Variants in PDE6A observed in about 807,000 individuals in gnomAD.
The protein encoded by PDE6A is phosphodiesterase 6A.
Under a neutral mutation model 106.3 loss-of-function variants are expected in PDE6A, and 84 were observed. The ratio of observed to expected loss-of-function variants is 0.79; its 90% CI spans 0.66 to 0.95. The LOEUF is 0.95. PDE6A is among the 40% of genes least tolerant of loss of function. PDE6A has a pLI of 0.00. For synonymous variants in PDE6A, 394 were observed against 386.6 expected (o/e 1.02, Z -0.23); for missense variants, 1,052 against 1,084.9 (o/e 0.97, Z 0.43).
chr5:149,879,077 A>T (rs534605592), intron 17 of PDE6A, among the ~76,000 whole-genome samples: 58 of 151,616 alleles, frequency 3.8e-4, no homozygotes, highest in African/African-American at 1.4e-3. Flanking sequence ...TTATTTATTT[A>T]TCTATCTATC....
chr5:149,941,864 T>G (rs1413504250), intron 1 of PDE6A, among the ~76,000 whole-genome samples: 1 of 152,206 alleles, frequency 6.6e-6, no homozygotes, highest in Non-Finnish European at 1.5e-5. Flanking sequence ...TGTTGCATCT[T>G]TTTTTTCTTT....
At chr5:149,882,896 A>G (rs755801497) in intron 17 of PDE6A, among the ~76,000 whole-genome samples, 23 of 152,176 alleles carry the variant, frequency 1.5e-4, no homozygotes, top group Non-Finnish European at 3.1e-4. Context: ...GGTCTCGACT[A>G]AAAATACAAA....
intron 17 of PDE6A, among the ~76,000 whole-genome samples, chr5:149,869,603 C>G (rs1256328212): frequency 6.6e-6 from 1 of 152,160 alleles, no homozygotes; most frequent in Non-Finnish European, 1.5e-5. Flanking sequence ...AATTCCATGC[C>G]AGGGAGTGCA....
chr5:149,899,932 T>A (rs1752905000), intron 8 of PDE6A, among the ~76,000 whole-genome samples: 1 of 152,208 alleles, frequency 6.6e-6, no homozygotes, highest in Non-Finnish European at 1.5e-5. Flanking sequence ...ACATTTTGCC[T>A]CTTGCCCTGA....
intron 10 of PDE6A, among the ~76,000 whole-genome samples, chr5:149,897,254 CT>C (rs1429060012): frequency 6.6e-6 from 1 of 152,234 alleles, no homozygotes; most frequent in East Asian, 1.9e-4. Flanking sequence ...CTCTCATTTA[CT>C]GTGTAACTTG....
intron 1 of PDE6A, among the ~76,000 whole-genome samples, chr5:149,940,403 C>A (rs1418232804): frequency 6.6e-6 from 1 of 152,126 alleles, no homozygotes; most frequent in Non-Finnish European, 1.5e-5. Context: ...ATGACGGGAG[C>A]CATGCGCCCA....
intron 5 of PDE6A, among the ~76,000 whole-genome samples, chr5:149,916,526 C>G (rs1753558932): frequency 6.6e-6 from 1 of 152,180 alleles, no homozygotes; most frequent in Non-Finnish European, 1.5e-5. Flanking sequence ...CAAACTAACT[C>G]TCTGCCTCTT....
rs1209052840 is a variant in PDE6A at position 149,871,411 on chromosome 5, AACTG to A, written c.2136-3257_2136-3254del. Among the ~76,000 whole-genome samples the A allele has an allele frequency of 2.4e-4, 36 of 152,308 alleles. No homozygotes were observed. In the South Asian group the frequency reaches 4.8e-3, roughly 20 times the overall value. On this transcript the variant is annotated intron_variant, in intron 17 of 21. Coordinates refer to ENST00000255266, the MANE Select transcript of PDE6A (RefSeq NM_000440.3). ...TCTTGGAGAAGACATGAGAAAGAGA[AACTG>A]ACTGAGGTCTGGGAGGTCAGGGAGG...
Position 149,914,962 on chromosome 5 carries a change from C to A in PDE6A, c.979G>T (p.Glu327Ter). The A allele has an allele frequency of 6.2e-7, 1 of 1,609,476 alleles. No individual in the cohort carries two copies. Among genetic ancestry groups the A allele is most frequent in the Non-Finnish European group, 8.5e-7 (1 of 1,176,970 alleles). ...ACTTACGGGATGACTTTGATGTCCT[C>A]TTTGCCATGCAGGATGTAGTCAATG... Reference protein sequence around the residue: ...KVIDYILHGKEDIKVIPNPPP... With the variant: ...KVIDYILHGK Residue 327 changes from glutamate (E) to a stop codon, truncating the protein, a stop_gained, in exon 6 of 22, where the codon GAG becomes TAG. Transcript: ENST00000255266. LOFTEE classifies it high-confidence loss of function.
chr5:149,942,064 T>C (rs1754342078), intron 1 of PDE6A, among the ~76,000 whole-genome samples: 1 of 151,984 alleles, frequency 6.6e-6, no homozygotes, highest in Non-Finnish European at 1.5e-5. Context: ...TGGGCTCAAG[T>C]GATGCTCCCA....
At chr5:149,939,924 C>A (rs1220923035) in intron 1 of PDE6A, 2 of 148,430 alleles carry the variant, frequency 1.3e-5, no homozygotes, top group Non-Finnish European at 3.0e-5. Context: ...CCTGGCTGAA[C>A]CAACTAGTTA....
intron 1 of PDE6A, 119 bp from the exon 2 acceptor site, chr5:149,934,837 G>T (rs889502144): frequency 7.4e-6 from 7 of 942,662 alleles, no homozygotes; most frequent in South Asian, 1.4e-5. Flanking sequence ...TTCAACAGGG[G>T]CAGGGAAATC....
intron 13 of PDE6A, among the ~76,000 whole-genome samples, chr5:149,893,380 T>G (rs891793791): frequency 1.3e-5 from 2 of 152,200 alleles, no homozygotes; most frequent in Non-Finnish European, 2.9e-5. Flanking sequence ...CAGAAACAGA[T>G]GGCATTCTAG....
chr5:149,891,377 G>A (rs1752539399), intron 13 of PDE6A, among the ~76,000 whole-genome samples: 1 of 152,228 alleles, frequency 6.6e-6, no homozygotes, highest in African/African-American at 2.4e-5. Flanking sequence ...GGCTGAGGCA[G>A]AAGAATCACT....
intron 6 of PDE6A, among the ~76,000 whole-genome samples, chr5:149,913,803 C>G (rs1404750594): frequency 6.6e-6 from 1 of 152,196 alleles, no homozygotes; most frequent in African/African-American, 2.4e-5. Flanking sequence ...AAGAAGGTAA[C>G]TAGGTTTTTG....
chr5:149,918,387 T>C (rs1213804814), intron 5 of PDE6A, among the ~76,000 whole-genome samples: 1 of 152,142 alleles, frequency 6.6e-6, no homozygotes, highest in Non-Finnish European at 1.5e-5. Flanking sequence ...ATAGCGTTAG[T>C]GCAGAGTGGT....
intron 3 of PDE6A, chr5:149,931,973 C>A: frequency 7.9e-7 from 1 of 1,267,030 alleles, no homozygotes; most frequent in South Asian, 1.2e-5. Flanking sequence ...ATATTTCCAG[C>A]TGTTGAGATA....
intron 12 of PDE6A, among the ~76,000 whole-genome samples, chr5:149,896,029 T>C (rs1444686095): frequency 6.6e-6 from 1 of 152,214 alleles, no homozygotes; most frequent in Non-Finnish European, 1.5e-5. Flanking sequence ...GAGCCCTGTT[T>C]AAATGGGTTT....
chr5:149,919,811 TC>T (rs1362756986), intron 5 of PDE6A, among the ~76,000 whole-genome samples: 1 of 152,206 alleles, frequency 6.6e-6, no homozygotes, highest in Non-Finnish European at 1.5e-5. Context: ...TATTTTTTTT[TC>T]CATGAAGGCT....
Sources: gnomAD v4.1 joint callset for allele counts (sites outside exome capture counted in the v4.1 genomes callset) on GRCh38, gnomAD v4.1.1 for gene constraint, MANE v1.5 for transcripts, NCBI Gene and HGNC (gene_info 2026-07-23, HGNC 2026-07-21) for gene names.